CEP120: variants seen among roughly 807,000 people sequenced by gnomAD.
The protein encoded by CEP120 is centrosomal protein of 120 kDa.
A neutral mutation model predicts 126.5 loss-of-function variants in CEP120; 113 were observed. The ratio of observed to expected loss-of-function variants is 0.89; its 90% CI spans 0.77 to 1.04. The LOEUF (loss-of-function observed/expected upper bound fraction) is 1.04. Ranked by LOEUF, CEP120 falls within the 50% of genes least tolerant of loss-of-function variation. The pLI is 0.00. For missense variants in CEP120, 1,230 were observed against 1,155.7 expected (o/e 1.06, Z -0.93); for synonymous variants, 400 against 394.3 (o/e 1.01, Z -0.17).
At chr5:123,374,346 T>A (rs1477175492) in intron 16 of CEP120, among the ~76,000 whole-genome samples, 1 of 152,128 alleles carries the variant, frequency 6.6e-6, no homozygotes, top group Non-Finnish European at 1.5e-5. Context: ...TCCCCTTGAA[T>A]AATGCTTTCA....
rs141286235 is a variant in CEP120, at chr5:123,348,776, C to A, written c.2726+1168G>T. Among the ~76,000 whole-genome samples the A allele has an allele frequency of 5.9e-5, 9 of 152,220 alleles. No homozygotes were observed. The East Asian group carries it at 1.7e-3, about 29-fold the overall frequency. On this transcript the variant is annotated intron_variant, in intron 19 of 19. Transcript: ENST00000306467. ...TGGAAATGGACCTTTGGGAGACAAT[C>A]AGGTTTAGATGAGGTCATGAGGGTG...
intron 5 of CEP120, among the ~76,000 whole-genome samples, chr5:123,398,301 C>T (rs1389656311): frequency 6.6e-6 from 1 of 152,068 alleles, no homozygotes; most frequent in Admixed American, 6.6e-5. Flanking sequence ...TTGTGTTGAG[C>T]CGCTGTTGGG....
chr5:123,362,774 C>T (rs1770182671), intron 18 of CEP120, among the ~76,000 whole-genome samples: 1 of 151,648 alleles, frequency 6.6e-6, no homozygotes, highest in Non-Finnish European at 1.5e-5. Flanking sequence ...ACTTTAAACA[C>T]TACCTCTGCA....
At chr5:123,402,990 A>T (rs1049790737) in intron 4 of CEP120, among the ~76,000 whole-genome samples, 2 of 152,214 alleles carry the variant, frequency 1.3e-5, no homozygotes, top group African/African-American at 4.8e-5. Context: ...CAGTGCCTTG[A>T]TCTTGAACTT....
chr5:123,355,290 G>C (rs1477407833), intron 18 of CEP120, among the ~76,000 whole-genome samples: 2 of 152,040 alleles, frequency 1.3e-5, no homozygotes, highest in Non-Finnish European at 2.9e-5. Flanking sequence ...TAATCCTTTG[G>C]GTATATACCC....
intron 6 of CEP120, 74 bp from the exon 7 acceptor site, chr5:123,391,411 G>C: frequency 8.3e-7 from 1 of 1,200,240 alleles, no homozygotes; most frequent in African/African-American, 1.5e-5. Context: ...AACTTAATAA[G>C]AAGTTGTAAA....
intron 17 of CEP120, among the ~76,000 whole-genome samples, chr5:123,365,798 G>T (rs992257075): frequency 1.3e-5 from 2 of 151,402 alleles, no homozygotes; most frequent in South Asian, 4.2e-4. Flanking sequence ...TATCACTGTG[G>T]GATAAGAGGA....
In CEP120 at chr5:123,399,030, T is replaced by TAA. The variant is rs11419318; in HGVS notation, c.612+104_612+105dup. On this transcript the variant is annotated intron_variant, in intron 5 of 19. Transcript: ENST00000306467. ...TGTTTTGAACTCATTTTTCAAAAGT[T>TAA]AAAAAAAAAAAGTCTACTTGCAAGT... 3,619 of 669,764 alleles carry TAA rather than the reference T, an allele frequency of 5.4e-3. 1 individual carries two copies. Among genetic ancestry groups the TAA allele is most frequent in the African/African-American group, 7.3e-3 (388 of 53,402 alleles). 41.5% of individuals were successfully genotyped at this position (669,764 alleles called of 1,614,324 possible).
intron 1 of CEP120, 25 bp downstream of exon 1, chr5:123,422,924 GC>G (rs1273040040): frequency 6.2e-7 from 1 of 1,610,080 alleles, no homozygotes; most frequent in East Asian, 2.2e-5. Flanking sequence ...GGCAGCAGTT[GC>G]AAAAGCAAGC....
At chr5:123,353,276 G>A (rs563816168) in intron 18 of CEP120, among the ~76,000 whole-genome samples, 1 of 151,854 alleles carries the variant, frequency 6.6e-6, no homozygotes, top group Non-Finnish European at 1.5e-5. Context: ...CAAATTTCCT[G>A]TCTAGTCTTA....
At chr5:123,420,994 A>C (rs935630018) in intron 1 of CEP120, among the ~76,000 whole-genome samples, 2 of 152,178 alleles carry the variant, frequency 1.3e-5, no homozygotes, top group Admixed American at 1.3e-4. Context: ...GTTTGGAGGG[A>C]GGACCACATG....
At chr5:123,399,442 G>T (rs1426874862) in intron 4 of CEP120, among the ~76,000 whole-genome samples, 158 bp from the exon 5 acceptor site, 1 of 152,116 alleles carries the variant, frequency 6.6e-6, no homozygotes, top group African/African-American at 2.4e-5. Context: ...ACTCACCAAA[G>T]AAACCTTACT....
chr5:123,391,233 G>A lies in CEP120; in HGVS notation c.915C>T (p.Val305=), dbSNP rs183613664. Reference sequence around the variant, plus strand: ...GAGGGTCAAGGGTAAAAGCACCTTCGACTGTGACTGGGTGCTGGTTGATTT... The same window carrying A: ...GAGGGTCAAGGGTAAAAGCACCTTCAACTGTGACTGGGTGCTGGTTGATTT... ...STEINQHPVT[V]EGAFTLDPPN... is the part of the protein sequence containing the mutation. Residue 305 remains valine (V), a synonymous_variant, in exon 7 of 20, where the codon GTC becomes GTT. Coordinates refer to ENST00000306467, the MANE Select transcript of CEP120 (RefSeq NM_001375405.1). The A allele has an allele frequency of 9.9e-6, 16 of 1,613,960 alleles. No individual in the cohort carries two copies. The African/African-American group carries it at 1.1e-4, about 11-fold the overall frequency.
At chr5:123,356,137 A>G (rs1769601121) in intron 18 of CEP120, among the ~76,000 whole-genome samples, 1 of 151,982 alleles carries the variant, frequency 6.6e-6, no homozygotes, top group South Asian at 2.1e-4. Flanking sequence ...ATTGGTCTAT[A>G]TCTCTGTTTT....
In CEP120 at chr5:123,388,756, T is replaced by C. The variant is rs537346338; in HGVS notation, c.1256-150A>G. 8.2e-5 allele frequency: 42 copies of C among 513,782 alleles called. No homozygotes were observed. In the East Asian group the frequency reaches 1.3e-3, roughly 16 times the overall value. 31.8% of individuals were successfully genotyped at this position (513,782 alleles called of 1,614,324 possible). A position where few individuals can be genotyped will look rare whatever the true frequency, so the allele number is the denominator to read the frequency against. On this transcript the variant is annotated intron_variant, in intron 8 of 19. Transcript: ENST00000306467. ...GAACATATGAATTGAGGTATAAGTATCTTAAAAGTAACTCACACAAAAATA... is the reference window on the plus strand; with the variant it reads ...GAACATATGAATTGAGGTATAAGTACCTTAAAAGTAACTCACACAAAAATA...
chr5:123,382,700 C>A, intron 13 of CEP120, 37 bp downstream of exon 13: 1 of 1,576,714 alleles, frequency 6.3e-7, no homozygotes, highest in South Asian at 1.2e-5. Flanking sequence ...ACAGAGCAGA[C>A]AAAGCAGATT....
At chr5:123,348,800 T>C (rs1253265802) in intron 19 of CEP120, among the ~76,000 whole-genome samples, 1 of 152,072 alleles carries the variant, frequency 6.6e-6, no homozygotes, top group Non-Finnish European at 1.5e-5. Flanking sequence ...GTCATGAGGG[T>C]GAACTCTCAT....
At chr5:123,349,082 A>T (rs914857901) in intron 19 of CEP120, among the ~76,000 whole-genome samples, 1 of 152,142 alleles carries the variant, frequency 6.6e-6, no homozygotes, top group Non-Finnish European at 1.5e-5. Flanking sequence ...CTCCAAAAAG[A>T]CTAGAATTCA....
At chr5:123,373,585 C>T (rs1771005273) in intron 16 of CEP120, among the ~76,000 whole-genome samples, 2 of 152,084 alleles carry the variant, frequency 1.3e-5, no homozygotes, top group Non-Finnish European at 2.9e-5. Flanking sequence ...CAAGCCAACC[C>T]TGGCCCTCTA....
Sources: gnomAD v4.1 joint callset for allele counts (sites outside exome capture counted in the v4.1 genomes callset) on GRCh38, gnomAD v4.1.1 for gene constraint, MANE v1.5 for transcripts, NCBI Gene and HGNC (gene_info 2026-07-23, HGNC 2026-07-21) for gene names.